CPED1: variants seen among roughly 807,000 people sequenced by gnomAD.
The protein encoded by CPED1 is cadherin like and PC-esterase domain containing 1, also known as cadherin-like and PC-esterase domain-containing protein 1.
Under a neutral mutation model 128.2 loss-of-function variants are expected in CPED1, and 114 were observed. The ratio of observed to expected loss-of-function variants is 0.89; its 90% confidence interval spans 0.76 to 1.04. The LOEUF is 1.04. Among genes scored for constraint, CPED1 ranks in the 50% least tolerant of loss-of-function variants. The pLI is 0.00. For missense variants in CPED1, 1,211 were observed against 1,207.1 expected (o/e 1.00, Z -0.05); for synonymous variants, 462 against 426.7 (o/e 1.08, Z -1.02).
At chr7:121,048,520 T>C (rs1468172827) in intron 4 of CPED1, among the ~76,000 whole-genome samples, 1 of 152,020 alleles carries the variant, frequency 6.6e-6, no homozygotes, top group Non-Finnish European at 1.5e-5. Context: ...CTCTTAACGT[T>C]TTTTTTTCTT....
intron 5 of CPED1, among the ~76,000 whole-genome samples, chr7:121,082,017 T>C (rs1372476673): frequency 2.0e-5 from 3 of 152,164 alleles, no homozygotes; most frequent in Non-Finnish European, 4.4e-5. Context: ...TGTTTTGATA[T>C]GAATTTTAAC....
intron 5 of CPED1, among the ~76,000 whole-genome samples, chr7:121,082,093 C>G (rs1046612182): frequency 2.1e-4 from 32 of 152,298 alleles, no homozygotes; most frequent in African/African-American, 7.2e-4. Context: ...TTGCAGCAAC[C>G]TAATTCCAGT....
At chr7:121,116,005 A>G (rs1175071698) in intron 7 of CPED1, among the ~76,000 whole-genome samples, 1 of 152,194 alleles carries the variant, frequency 6.6e-6, no homozygotes, top group African/African-American at 2.4e-5. Flanking sequence ...AAGGTTGAAT[A>G]TAATGCAATC....
Position 121,128,405 on chromosome 7 carries a change from A to G in CPED1, c.1326A>G (p.Leu442=), listed in dbSNP as rs1055962875. 5 of 1,595,446 alleles carry G rather than the reference A, an allele frequency of 3.1e-6. No individual in the cohort carries two copies. Among genetic ancestry groups the G allele is most frequent in the Non-Finnish European group, 4.3e-6 (5 of 1,163,290 alleles). ...VFKGENYQKE[L]NQCLSLEEIN... is the part of the protein sequence containing the mutation. The stretch of plus-strand genomic sequence containing the variant: ...AGGGTGAAAACTATCAAAAGGAACT[A>G]AATCAGTGTCTGTCCTTAGAAGAAA... The change falls in exon 11 of 23, where the codon CTA becomes CTG. Residue 442 remains leucine, a synonymous_variant. Transcript: ENST00000310396.
At chr7:121,044,269 A>G (rs959467801) in intron 3 of CPED1, among the ~76,000 whole-genome samples, 6 of 152,180 alleles carry the variant, frequency 3.9e-5, no homozygotes, top group Admixed American at 1.3e-4. Flanking sequence ...GACAAAGTGA[A>G]AAGGTCTACT....
chr7:121,078,641 C>T (rs968722681), intron 5 of CPED1, among the ~76,000 whole-genome samples: 3 of 151,966 alleles, frequency 2.0e-5, no homozygotes, highest in African/African-American at 7.3e-5. Flanking sequence ...TGGGCTTTCT[C>T]CACATGATGG....
rs183240242 is a variant in CPED1 at position 121,289,569 on chromosome 7, T to A, written c.2869-5871T>A. On this transcript the variant is annotated intron_variant, in intron 22 of 22. Coordinates refer to ENST00000310396, the MANE Select transcript of CPED1 (RefSeq NM_024913.5). Reference sequence around the variant, plus strand: ...TCCAAATAGATATCATGTGATTTTTTAAAAAATACTCAATTTTGTTTATAT... The same window carrying A: ...TCCAAATAGATATCATGTGATTTTTAAAAAAATACTCAATTTTGTTTATAT... Among the ~76,000 whole-genome samples the A allele has an allele frequency of 7.4e-3, 1,126 of 152,286 alleles. 8 individuals carry two copies. Among genetic ancestry groups the A allele is most frequent in the Non-Finnish European group, 0.012 (829 of 67,998 alleles).
intron 5 of CPED1, among the ~76,000 whole-genome samples, chr7:121,088,692 C>T (rs868433662): frequency 2.2e-5 from 3 of 136,936 alleles, no homozygotes; most frequent in Non-Finnish European, 4.6e-5. Flanking sequence ...TTGAATGTAA[C>T]GTCCTGGCTT....
At chr7:121,171,474 T>A (rs1434473518) in intron 16 of CPED1, among the ~76,000 whole-genome samples, 1 of 152,220 alleles carries the variant, frequency 6.6e-6, no homozygotes, top group African/African-American at 2.4e-5. Flanking sequence ...TCTGCTTTTA[T>A]TCATATGATT....
At chr7:121,189,584 G>C (rs1184091371) in intron 16 of CPED1, among the ~76,000 whole-genome samples, 2 of 151,520 alleles carry the variant, frequency 1.3e-5, no homozygotes, top group African/African-American at 4.9e-5. Flanking sequence ...TTTGGGTGGG[G>C]GGACAGAGCC....
intron 3 of CPED1, among the ~76,000 whole-genome samples, chr7:121,040,072 G>T (rs756474551): frequency 2.0e-5 from 3 of 152,010 alleles, no homozygotes; most frequent in Non-Finnish European, 4.4e-5. Flanking sequence ...GGAGAGAATG[G>T]TTTAGAATTT....
chr7:121,283,626 CTG>C (rs1792505208), intron 22 of CPED1, among the ~76,000 whole-genome samples: 1 of 152,206 alleles, frequency 6.6e-6, no homozygotes. Flanking sequence ...AACTGTAACT[CTG>C]TGTAAGTATG....
At chr7:121,276,627 T>C (rs1245276080) in intron 22 of CPED1, among the ~76,000 whole-genome samples, 3 of 152,056 alleles carry the variant, frequency 2.0e-5, no homozygotes, top group Non-Finnish European at 4.4e-5. Context: ...AATCTAAGGA[T>C]TAAGTGTTTC....
rs1425524474 is a variant in CPED1 at position 121,099,953 on chromosome 7, T to C, written c.777T>C (p.His259=). The C allele has an allele frequency of 1.9e-6, 3 of 1,613,148 alleles. No individual in the cohort carries two copies. Among genetic ancestry groups the C allele is most frequent in the Non-Finnish European group, 1.7e-6 (2 of 1,179,742 alleles). Residue 259 remains histidine, a synonymous_variant, in exon 7 of 23, where the codon CAT becomes CAC. Transcript: ENST00000310396. ...QLNETTVLAP[H]ETIFRAEDLS... The stretch of plus-strand genomic sequence containing the variant: ...ATGAAACGACAGTCCTTGCTCCACA[T>C]GAAACAATCTTTCGAGCCGAAGATC...
At chr7:121,175,934 T>A (rs1290580309) in intron 16 of CPED1, among the ~76,000 whole-genome samples, 1 of 151,852 alleles carries the variant, frequency 6.6e-6, no homozygotes, top group East Asian at 1.9e-4. Flanking sequence ...AGGGATATGG[T>A]TCATCTTTTT....
chr7:121,284,616 A>G (rs986794162), intron 22 of CPED1, among the ~76,000 whole-genome samples: 1 of 152,222 alleles, frequency 6.6e-6, no homozygotes, highest in Non-Finnish European at 1.5e-5. Context: ...GGCCAAAACA[A>G]AGGGGCTAGA....
intron 7 of CPED1, among the ~76,000 whole-genome samples, chr7:121,120,544 GTATAC>G (rs1329284489): frequency 1.3e-5 from 2 of 152,038 alleles, no homozygotes; most frequent in Non-Finnish European, 2.9e-5. Flanking sequence ...AGAAACCCTG[GTATAC>G]TTTAGTACGG....
At chr7:121,097,869 A>C (rs1352708504) in intron 6 of CPED1, 38 bp downstream of exon 6, 1 of 1,608,724 alleles carries the variant, frequency 6.2e-7, no homozygotes, top group East Asian at 2.2e-5. Flanking sequence ...ACCAGCATGC[A>C]TTGTAGGAGA....
chr7:121,092,540 C>T (rs1794598377), intron 5 of CPED1, among the ~76,000 whole-genome samples: 1 of 152,228 alleles, frequency 6.6e-6, no homozygotes, highest in Admixed American at 6.5e-5. Flanking sequence ...CTGAGAATAC[C>T]CTTAGATGCA....
Sources: allele counts gnomAD v4.1 joint callset (sites outside exome capture counted in the v4.1 genomes callset), GRCh38; gene constraint gnomAD v4.1.1; transcripts MANE v1.5; gene names NCBI Gene and HGNC (gene_info 2026-07-23, HGNC 2026-07-21).